Variants in TPRN observed in about 807,000 individuals in gnomAD.
TPRN encodes chromosome 9 open reading frame 75.
A neutral mutation model predicts 42.6 loss-of-function variants in TPRN; 32 were observed. The ratio of observed to expected loss-of-function variants is 0.75; its 90% CI spans 0.57 to 1.01. The LOEUF is 1.01. Among genes scored for constraint, TPRN ranks in the 50% least tolerant of loss-of-function variants. The probability of loss-of-function intolerance (pLI) is 0.00; values close to 1 mark genes in which losing one functional copy is unlikely to be tolerated. For missense variants in TPRN, 1,095 were observed against 957.5 expected (o/e 1.14, Z -1.90); for synonymous variants, 541 against 445.6 (o/e 1.21, Z -2.70).
chr9:137,194,037 C>G (rs539478520), intron 1 of TPRN: 1 of 152,344 alleles, frequency 6.6e-6, no homozygotes, highest in Non-Finnish European at 1.5e-5. Context: ...CCCCAGCTTC[C>G]CCTCTCAGCA....
chr9:137,196,030 G>A (rs1834699624), intron 1 of TPRN, among the ~76,000 whole-genome samples: 1 of 152,168 alleles, frequency 6.6e-6, no homozygotes. Context: ...GCCCAGAGCA[G>A]GGCTGCACCC....
Position 137,200,438 on chromosome 9 carries a change from G to GGATGATGA in TPRN, c.273_274insTCATCATC (p.Leu92SerfsTer361). 1 of 1,121,160 alleles carries GGATGATGA rather than the reference G, an allele frequency of 8.9e-7. No homozygotes were observed. Among genetic ancestry groups the GGATGATGA allele is most frequent in the South Asian group, 2.5e-5 (1 of 39,244 alleles). 69.5% of individuals were successfully genotyped at this position (1,121,160 alleles called of 1,614,324 possible). On this transcript the variant is annotated frameshift_variant, in exon 1 of 4. Transcript: ENST00000409012. LOFTEE classifies it high-confidence loss of function. The surrounding 1 kb of genome is among the most constrained non-coding windows in gnomAD (Gnocchi z 4.3). Reference sequence around the variant, plus strand: ...ATGATGAGGACGCTGTCGGCGCGGAGGGCGCGCACGCCAGGCACGCGGCGG... The same window carrying GGATGATGA: ...ATGATGAGGACGCTGTCGGCGCGGAGGATGATGAGGCGCGCACGCCAGGCACGCGGCGG...
rs749552184 is a variant in TPRN, at chr9:137,192,169, T to C, written c.2079A>G (p.Thr693=). The C allele has an allele frequency of 1.2e-6, 2 of 1,612,016 alleles. No homozygotes were observed. The highest frequency in any genetic ancestry group is 2.7e-5 in the African/African-American group (2 of 74,848). The part of the protein sequence containing the change: ...AEPPPVEAML[T]PASQNDLSDF... ...CCGAGAGGTCATTCTGACTGGCGGG[T>C]GTGAGCTGAAAGTGAGAGGACAGAA... The change falls in exon 4 of 4, where the codon ACA becomes ACG. Residue 693 remains threonine (T), a synonymous_variant. Coordinates refer to ENST00000409012, the MANE Select transcript of TPRN (RefSeq NM_001128228.3).
chr9:137,200,286 C>G lies in TPRN; in HGVS notation c.426G>C (p.Pro142=). The part of the protein sequence containing the change: ...RVSRLLERFD[P]PAAPRRRGSP... ...TCCCGCGGCGGCGCGGCGCGGCGGG[C>G]GGGTCGAACCTCTCCAGTAGGCGGC... Residue 142 remains proline (P), a synonymous_variant, in exon 1 of 4, where the codon CCG becomes CCC. Transcript: ENST00000409012. The surrounding 1 kb of genome is among the most constrained non-coding windows in gnomAD (Gnocchi z 4.3). 1 of 986,182 alleles carries G rather than the reference C, an allele frequency of 1.0e-6. No homozygotes were observed. Among genetic ancestry groups the G allele is most frequent in the Non-Finnish European group, 1.2e-6 (1 of 833,100 alleles). The allele number at this position is 986,182 out of a possible 1,614,324, so 61.1% of individuals were successfully genotyped here.
At chr9:137,197,630 G>C (rs925697924) in intron 1 of TPRN, among the ~76,000 whole-genome samples, 1 of 152,228 alleles carries the variant, frequency 6.6e-6, no homozygotes, top group African/African-American at 2.4e-5. Context: ...CCACCTCTGG[G>C]GCAAGCCCAG....
rs1564386257 is a variant in TPRN at position 137,199,768 on chromosome 9, A to T, written c.944T>A (p.Leu315His). 6.2e-7 allele frequency: 1 copy of T among 1,610,636 alleles called. No homozygotes were observed. Among genetic ancestry groups the T allele is most frequent in the African/African-American group, 1.3e-5 (1 of 75,028 alleles). ...GAGGCTGGCCAGCGCCCGGGCCTGG[A>T]GGTCCCCCAAGGGGATGGTCTCCAT... is the stretch of plus-strand genomic sequence containing the variant. ...PVMETIPLGD[L>H]QARALASLRA... The change falls in exon 1 of 4, where the codon CTC becomes CAC. Residue 315 changes from leucine (L) to histidine (H), a missense_variant. Leu to His is a moderately conservative substitution (Grantham distance 99, BLOSUM62 -3). Coordinates refer to ENST00000409012, the MANE Select transcript of TPRN (RefSeq NM_001128228.3).
At position 137,200,700 on chromosome 9, in the gene TPRN, C is replaced by CT; in HGVS notation, c.11_12insA (p.Arg6AlafsTer16). ...CGCGCGGCCCCGAGCCCGGCCGCCC[C>CT]AGGGCGGCCATGCTGCGAACGCGGC... On this transcript the variant is annotated frameshift_variant, in exon 1 of 4. Coordinates refer to ENST00000409012, the MANE Select transcript of TPRN (RefSeq NM_001128228.3). LOFTEE classifies it high-confidence loss of function. The surrounding 1 kb of genome is among the most constrained non-coding windows in gnomAD (Gnocchi z 4.3). 1 of 1,192,228 alleles carries CT rather than the reference C, an allele frequency of 8.4e-7. No individual in the cohort carries two copies. The highest frequency in any genetic ancestry group is 3.9e-5 in the Admixed American group (1 of 25,766). 73.9% of individuals were successfully genotyped at this position (1,192,228 alleles called of 1,614,324 possible).
chr9:137,192,937 C>G (rs749503728), intron 1 of TPRN: 6 of 563,914 alleles, frequency 1.1e-5, no homozygotes, highest in African/African-American at 3.8e-5. Context: ...TGACCAGGAC[C>G]AGGAGCCCAA....
At position 137,200,237 on chromosome 9, in the gene TPRN, G is replaced by A. The variant is rs1834784695; in HGVS notation, c.475C>T (p.Pro159Ser). 1 of 968,886 alleles carries A rather than the reference G, an allele frequency of 1.0e-6. No individual in the cohort carries two copies. The highest frequency in any genetic ancestry group is 6.5e-5 in the Admixed American group (1 of 15,456). The allele number at this position is 968,886 out of a possible 1,614,324, so 60.0% of individuals were successfully genotyped here. A position where few individuals can be genotyped will look rare whatever the true frequency, so the allele number is the denominator to read the frequency against. The change falls in exon 1 of 4, where the codon CCG becomes TCG. Residue 159 changes from proline (P) to serine (S), a missense_variant. By Grantham distance (74) the Pro-to-Ser change is moderately conservative. Coordinates refer to ENST00000409012, the MANE Select transcript of TPRN (RefSeq NM_001128228.3). This position sits in a 1 kb window ranked among gnomAD's most constrained non-coding sequence, Gnocchi z 4.3. ...GGCGGCGCGGGCGGCGGCGGCGGCG[G>A]CGGGGGGCGGGCGCGCTCGGGGCTC... Reference protein sequence around the residue: ...RGSPERARPPPPPPPPAPPRP... With the variant: ...RGSPERARPPSPPPPPAPPRP...
intron 1 of TPRN, 144 bp downstream of exon 1, chr9:137,198,843 C>T (rs777368495): frequency 2.0e-6 from 3 of 1,523,268 alleles, no homozygotes; most frequent in Middle Eastern, 2.4e-4. Flanking sequence ...CACGGCCCAC[C>T]CAGCCCCAGC....
intron 1 of TPRN, among the ~76,000 whole-genome samples, chr9:137,195,561 A>G (rs1216898456): frequency 6.6e-6 from 1 of 152,182 alleles, no homozygotes; most frequent in Admixed American, 6.5e-5. Context: ...GGAAGGGCAG[A>G]TGTCAGGGTG....
Position 137,192,573 on chromosome 9 carries a change from TCCTC to T in TPRN, c.1840_1843del (p.Glu614LysfsTer26), listed in dbSNP as rs1834642260. The T allele has an allele frequency of 6.6e-7, 1 of 1,524,090 alleles. No individual in the cohort carries two copies. 94.4% of individuals were successfully genotyped at this position (1,524,090 alleles called of 1,614,324 possible). A position where few individuals can be genotyped will look rare whatever the true frequency, so the allele number is the denominator to read the frequency against. ...GGATCCCTCTTCCTCCTCTTCCTCT[TCCTC>T]CTCCTCCTCCTCCTCCTCCTCCTGC... is the stretch of plus-strand genomic sequence containing the variant. On this transcript the variant is annotated frameshift_variant, in exon 2 of 4. Coordinates refer to ENST00000409012, the MANE Select transcript of TPRN (RefSeq NM_001128228.3). LOFTEE classifies it high-confidence loss of function.
chr9:137,191,649 A>G lies in TPRN; in HGVS notation c.*463T>C. ...TCCAGTGCTGTTTATTGAGTCCATCATCAGAGGCAGGAAAGACGCCACTCA... is the reference window on the plus strand; with the variant it reads ...TCCAGTGCTGTTTATTGAGTCCATCGTCAGAGGCAGGAAAGACGCCACTCA... On this transcript the variant is annotated 3_prime_UTR_variant, in exon 4 of 4. Coordinates refer to ENST00000409012, the MANE Select transcript of TPRN (RefSeq NM_001128228.3). 1 of 311,456 alleles carries G rather than the reference A, an allele frequency of 3.2e-6. No individual in the cohort carries two copies. The highest frequency in any genetic ancestry group is 7.8e-5 in the East Asian group (1 of 12,776). The allele number at this position is 311,456 out of a possible 1,614,324, so 19.3% of individuals were successfully genotyped here.
intron 1 of TPRN, chr9:137,193,004 C>T: frequency 2.4e-6 from 1 of 424,666 alleles, no homozygotes. Flanking sequence ...ATCTCAGGCC[C>T]CTCCTGCTCT....
chr9:137,196,723 C>G (rs1834711159), intron 1 of TPRN, among the ~76,000 whole-genome samples: 1 of 152,240 alleles, frequency 6.6e-6, no homozygotes, highest in Non-Finnish European at 1.5e-5. Flanking sequence ...CAGCCCTGCC[C>G]CACAGCCCAC....
chr9:137,200,497 C>A lies in TPRN; in HGVS notation c.215G>T (p.Gly72Val). The A allele has an allele frequency of 8.7e-7, 1 of 1,145,980 alleles. No individual in the cohort carries two copies. Among genetic ancestry groups the A allele is most frequent in the Non-Finnish European group, 1.1e-6 (1 of 931,204 alleles). 71.0% of individuals were successfully genotyped at this position (1,145,980 alleles called of 1,614,324 possible). The change falls in exon 1 of 4, where the codon GGG becomes GTG. Residue 72 changes from glycine (G) to valine (V), a missense_variant. By Grantham distance (109) the Gly-to-Val change is moderately radical. Coordinates refer to ENST00000409012, the MANE Select transcript of TPRN (RefSeq NM_001128228.3). This position sits in a 1 kb window ranked among gnomAD's most constrained non-coding sequence, Gnocchi z 4.3. ...MLLEAERRRG[G>V]GAAGARLLER... Reference sequence around the variant, plus strand: ...CAGCAGCCGCGCCCCCGCCGCGCCCCCGCCGCGCCGCCGCTCGGCCTCCAG... The same window carrying A: ...CAGCAGCCGCGCCCCCGCCGCGCCCACGCCGCGCCGCCGCTCGGCCTCCAG...
chr9:137,198,241 G>A (rs1202410222), intron 1 of TPRN, among the ~76,000 whole-genome samples: 1 of 152,226 alleles, frequency 6.6e-6, no homozygotes, highest in Non-Finnish European at 1.5e-5. Context: ...ATTTGCCCCA[G>A]GGAACAAATA....
rs1244090947 is a variant in TPRN, at chr9:137,199,899, A to G, written c.813T>C (p.Thr271=). 10 of 1,043,832 alleles carry G rather than the reference A, an allele frequency of 9.6e-6. No individual in the cohort carries two copies. The African/African-American group carries it at 9.7e-5, about 10-fold the overall frequency. The allele number at this position is 1,043,832 out of a possible 1,614,324, so 64.7% of individuals were successfully genotyped here. The change falls in exon 1 of 4, where the codon ACT becomes ACC. Residue 271 remains threonine, a synonymous_variant. Transcript: ENST00000409012. The part of the protein sequence containing the change: ...PPPSPGTPSA[T]PASPPASATP... ...TGGCACTGGCAGGGGGTGAGGCTGGAGTGGCACTCGGGGTCCCGGGGCTGG... is the reference window on the plus strand; with the variant it reads ...TGGCACTGGCAGGGGGTGAGGCTGGGGTGGCACTCGGGGTCCCGGGGCTGG...
chr9:137,199,441 G>T lies in TPRN; in HGVS notation c.1271C>A (p.Pro424Gln). The stretch of plus-strand genomic sequence containing the variant: ...AGGCTCAGCTTCTTCCGAAGCAGCC[G>T]GCAGGAAGGGGGGCGGTGAGGACGG... ...QRPSSPPPFLPAASEEAEPAE... is the reference protein window; with the variant it reads ...QRPSSPPPFLQAASEEAEPAE... The change falls in exon 1 of 4, where the codon CCG becomes CAG. Residue 424 changes from proline (P) to glutamine (Q), a missense_variant. Physicochemically the swap from Pro to Gln is moderately conservative, Grantham distance 76. Transcript: ENST00000409012. 1 of 1,609,700 alleles carries T rather than the reference G, an allele frequency of 6.2e-7. No individual in the cohort carries two copies. The highest frequency in any genetic ancestry group is 8.5e-7 in the Non-Finnish European group (1 of 1,178,658).
Sources: allele counts gnomAD v4.1 joint callset (sites outside exome capture counted in the v4.1 genomes callset), GRCh38; gene constraint gnomAD v4.1.1; non-coding constraint Gnocchi (gnomAD v3.1); transcripts MANE v1.5; gene names NCBI Gene and HGNC (gene_info 2026-07-23, HGNC 2026-07-21).